Variants in NWD2 observed in about 807,000 individuals in gnomAD.
NWD2 encodes NACHT and WD repeat domain-containing protein 2.
In NWD2, 37 loss-of-function variants were observed where a neutral mutation model predicts 132.7. That is an observed-to-expected ratio of 0.28 (90% CI 0.21 to 0.37). The LOEUF is 0.37. Among genes scored for constraint, NWD2 ranks in the 10% least tolerant of loss-of-function variants. NWD2 has a pLI of 1.00. For missense variants in NWD2, 1,592 were observed against 2,122.4 expected, an observed-to-expected ratio of 0.75 and a Z score of 4.91; for synonymous variants, 705 against 803.0, an observed-to-expected ratio of 0.88 and a Z score of 2.06.
chr4:37,386,697 G>T (rs1255983554), intron 3 of NWD2, among the ~76,000 whole-genome samples: 1 of 151,954 alleles, frequency 6.6e-6, no homozygotes, highest in Non-Finnish European at 1.5e-5. Context: ...TTGCATATTT[G>T]TCCCCTCCAA....
intron 3 of NWD2, among the ~76,000 whole-genome samples, chr4:37,422,692 T>C (rs539173620): frequency 2.0e-5 from 3 of 152,338 alleles, no homozygotes; most frequent in African/African-American, 7.2e-5. Context: ...TCTCACCTGT[T>C]TGATTCTCAT....
chr4:37,379,432 C>T (rs1720409491), intron 3 of NWD2, among the ~76,000 whole-genome samples: 2 of 152,136 alleles, frequency 1.3e-5, no homozygotes, highest in Middle Eastern at 3.4e-3. Flanking sequence ...AGTGGGGAGC[C>T]GGAATTCAAA....
At chr4:37,430,920 T>A in intron 4 of NWD2, 145 bp downstream of exon 4, 1 of 656,970 alleles carries the variant, frequency 1.5e-6, no homozygotes, top group Non-Finnish European at 2.6e-6. Context: ...TTTTAACAAC[T>A]AAATCCACAC....
chr4:37,289,950 G>A lies in NWD2; in HGVS notation c.152-35986G>A, dbSNP rs865848326. 3.3e-5 allele frequency among the ~76,000 whole-genome samples: 5 copies of A among 152,044 alleles called. No individual in the cohort carries two copies. In the South Asian group the frequency reaches 1.0e-3, roughly 32 times the overall value. On this transcript the variant is annotated intron_variant, in intron 1 of 6. Coordinates refer to ENST00000309447, the MANE Select transcript of NWD2 (RefSeq NM_001144990.2). ...TGCCTAGGTACCCTGCTGGAAGGTC[G>A]AATGAACAATCTATTTTTCATTTTC...
intron 1 of NWD2, among the ~76,000 whole-genome samples, chr4:37,245,557 T>G (rs2109252619): frequency 6.6e-6 from 1 of 151,874 alleles, no homozygotes; most frequent in South Asian, 2.1e-4. Context: ...CCCTTTTTTT[T>G]TTTTTTAAAG....
chr4:37,389,961 G>A (rs1341431700), intron 3 of NWD2, among the ~76,000 whole-genome samples: 1 of 151,976 alleles, frequency 6.6e-6, no homozygotes, highest in Non-Finnish European at 1.5e-5. Context: ...TGTATTTCTG[G>A]TAGAGATGGG....
chr4:37,309,909 C>T (rs1718795197), intron 1 of NWD2, among the ~76,000 whole-genome samples: 1 of 152,128 alleles, frequency 6.6e-6, no homozygotes, highest in Non-Finnish European at 1.5e-5. Context: ...TCACTTTAGC[C>T]TTTTTGTGTG....
At chr4:37,418,196 G>A (rs567325599) in intron 3 of NWD2, among the ~76,000 whole-genome samples, 4 of 152,022 alleles carry the variant, frequency 2.6e-5, no homozygotes, top group African/African-American at 7.2e-5. Context: ...GGAAGCCAAC[G>A]AAAGAGCTCC....
In NWD2 at chr4:37,294,305, T is replaced by C. The variant is rs1333521682; in HGVS notation, c.152-31631T>C. On this transcript the variant is annotated intron_variant, in intron 1 of 6. Coordinates refer to ENST00000309447, the MANE Select transcript of NWD2 (RefSeq NM_001144990.2). ...CCACTAATTGGCAGTTGACTGTAGGTTATTTCAGAGAAATCCTTAATACCA... is the reference window on the plus strand; with the variant it reads ...CCACTAATTGGCAGTTGACTGTAGGCTATTTCAGAGAAATCCTTAATACCA... Among the ~76,000 whole-genome samples the C allele has an allele frequency of 2.0e-5, 3 of 152,182 alleles. No homozygotes were observed. In the East Asian group the frequency reaches 5.8e-4, roughly 29 times the overall value.
intron 1 of NWD2, among the ~76,000 whole-genome samples, chr4:37,270,325 A>G (rs1222377158): frequency 6.6e-6 from 1 of 151,892 alleles, no homozygotes; most frequent in East Asian, 1.9e-4. Flanking sequence ...GAATAACTAT[A>G]TCCCATTTAA....
rs775569247 is a variant in NWD2 at position 37,433,886 on chromosome 4, C to T, written c.572C>T (p.Ser191Phe). 7.1e-6 allele frequency: 11 copies of T among 1,544,272 alleles called. No individual in the cohort carries two copies. The South Asian group carries it at 1.3e-4, about 19-fold the overall frequency. ...TTTACATTTCTATAGATGCAGCCTT[C>T]TACCAATGCTGAAAACGAGAAGACA... ...LRSNRNAMQPSTNAENEKTWQ... is the reference protein window; with the variant it reads ...LRSNRNAMQPFTNAENEKTWQ... Residue 191 changes from serine (S) to phenylalanine (F), a missense_variant, in exon 5 of 7, where the codon TCT (serine) becomes TTT (phenylalanine). Transcript: ENST00000309447.
chr4:37,328,509 C>T (rs551645734), intron 2 of NWD2, among the ~76,000 whole-genome samples: 1 of 151,694 alleles, frequency 6.6e-6, no homozygotes, highest in South Asian at 2.1e-4. Context: ...GTTTTCTGTT[C>T]CTGTGTTAGT....
intron 1 of NWD2, among the ~76,000 whole-genome samples, chr4:37,285,430 C>A (rs1407574215): frequency 6.6e-6 from 1 of 151,768 alleles, no homozygotes; most frequent in Non-Finnish European, 1.5e-5. Context: ...TCTCTAAGGC[C>A]TTCTAATAAT....
intron 1 of NWD2, among the ~76,000 whole-genome samples, chr4:37,305,928 G>C (rs2109278486): frequency 6.6e-6 from 1 of 152,264 alleles, no homozygotes; most frequent in East Asian, 1.9e-4. Context: ...ATTGTTGTTA[G>C]TCCTTTAAAG....
intron 1 of NWD2, among the ~76,000 whole-genome samples, chr4:37,275,526 C>G (rs1338281850): frequency 6.6e-6 from 1 of 152,072 alleles, no homozygotes; most frequent in African/African-American, 2.4e-5. Context: ...GATTCAATGC[C>G]ATCCCCATCA....
At chr4:37,368,350 AG>A (rs1720141609) in intron 3 of NWD2, among the ~76,000 whole-genome samples, 1 of 152,174 alleles carries the variant, frequency 6.6e-6, no homozygotes, top group African/African-American at 2.4e-5. Context: ...ACGAACCTAA[AG>A]TCTCAAAATG....
chr4:37,340,269 G>A (rs753719262), intron 2 of NWD2, among the ~76,000 whole-genome samples: 5 of 152,044 alleles, frequency 3.3e-5, no homozygotes, highest in Non-Finnish European at 7.4e-5. Context: ...GTATCAACAG[G>A]CCCACCTAAA....
At chr4:37,433,673 T>C (rs1439152934) in intron 4 of NWD2, among the ~76,000 whole-genome samples, 5 of 152,240 alleles carry the variant, frequency 3.3e-5, no homozygotes, top group Admixed American at 6.5e-5. Context: ...CACACCCTTG[T>C]GTAACTTGGT....
intron 3 of NWD2, among the ~76,000 whole-genome samples, chr4:37,358,909 C>T (rs563065091): frequency 6.6e-6 from 1 of 152,232 alleles, no homozygotes; most frequent in South Asian, 2.1e-4. Flanking sequence ...AGAAGAGACT[C>T]AAATATTGGA....
Sources: gnomAD v4.1 joint callset for allele counts (sites outside exome capture counted in the v4.1 genomes callset) on GRCh38, gnomAD v4.1.1 for gene constraint, MANE v1.5 for transcripts, NCBI Gene and HGNC (gene_info 2026-07-23, HGNC 2026-07-21) for gene names.